Variants in ZNF280D observed in about 807,000 individuals in gnomAD.
ZNF280D encodes zinc finger protein 280D.
In ZNF280D, 39 loss-of-function variants were observed where a neutral mutation model predicts 94.7. That is an observed-to-expected ratio of 0.41 (90% confidence interval 0.32 to 0.54). The LOEUF (loss-of-function observed/expected upper bound fraction) is 0.54. Ranked by LOEUF, ZNF280D falls within the 20% of genes least tolerant of loss-of-function variation. ZNF280D has a pLI of 0.22. For missense variants in ZNF280D, 1,090 were observed against 1,149.3 expected, an observed-to-expected ratio of 0.95 and a Z score of 0.75; for synonymous variants, 398 against 377.6, an observed-to-expected ratio of 1.05 and a Z score of -0.63.
intron 1 of ZNF280D, 113 bp downstream of exon 1, chr15:56,733,345 G>C (rs1286206708): frequency 3.6e-5 from 22 of 604,218 alleles, no homozygotes; most frequent in Non-Finnish European, 4.2e-5. Context: ...CCGACGACCC[G>C]CGCCGGCCTC....
chr15:56,640,036 A>G (rs2052552207), intron 20 of ZNF280D, among the ~76,000 whole-genome samples: 1 of 152,172 alleles, frequency 6.6e-6, no homozygotes, highest in Admixed American at 6.6e-5. Context: ...AACGTTAGAA[A>G]AAAATACAGC....
At chr15:56,664,243 A>G (rs1356764562) in intron 16 of ZNF280D, among the ~76,000 whole-genome samples, 1 of 152,222 alleles carries the variant, frequency 6.6e-6, no homozygotes, top group Non-Finnish European at 1.5e-5. Context: ...CAAAAGGTAA[A>G]GAAATGAATC....
intron 20 of ZNF280D, among the ~76,000 whole-genome samples, chr15:56,636,181 T>C (rs763890041): frequency 2.0e-5 from 3 of 152,156 alleles, no homozygotes; most frequent in Admixed American, 2.0e-4. Flanking sequence ...GTATACTAAT[T>C]GCTAAACAGA....
At chr15:56,656,236 G>A (rs982372651) in intron 17 of ZNF280D, among the ~76,000 whole-genome samples, 8 of 152,094 alleles carry the variant, frequency 5.3e-5, no homozygotes, top group African/African-American at 1.9e-4. Flanking sequence ...AGACAGATAC[G>A]TAATAAATAG....
At chr15:56,683,561 G>C (rs537011357) in intron 9 of ZNF280D, among the ~76,000 whole-genome samples, 1 of 152,240 alleles carries the variant, frequency 6.6e-6, no homozygotes, top group South Asian at 2.1e-4. Flanking sequence ...ATATACTATA[G>C]TTTGACAAAT....
At chr15:56,727,327 C>T (rs1390023462) in intron 1 of ZNF280D, among the ~76,000 whole-genome samples, 3 of 152,234 alleles carry the variant, frequency 2.0e-5, no homozygotes, top group East Asian at 1.9e-4. Context: ...GGCATGGTGG[C>T]GCACGCCTGT....
Position 56,636,515 on chromosome 15 carries a change from G to A in ZNF280D, c.2260-1265C>T, listed in dbSNP as rs113787345. Among the ~76,000 whole-genome samples, 164 of 135,238 alleles carry A rather than the reference G, an allele frequency of 1.2e-3. 4 individuals are homozygous for A. The highest frequency in any genetic ancestry group is 4.4e-3 in the African/African-American group (159 of 36,076). 88.7% of individuals were successfully genotyped at this position (135,238 alleles called of 152,430 possible). A position where few individuals can be genotyped will look rare whatever the true frequency, so the allele number is the denominator to read the frequency against. On this transcript the variant is annotated intron_variant, in intron 20 of 21. Coordinates refer to ENST00000267807, the MANE Select transcript of ZNF280D (RefSeq NM_017661.4). The stretch of plus-strand genomic sequence containing the variant: ...TTTTTTTTTTTTTTGACAGAGTCTA[G>A]CTCTGTCACCTAGGATGGAGTGCAG...
Position 56,707,361 on chromosome 15 carries a change from C to T in ZNF280D, c.-85-55G>A, listed in dbSNP as rs2057471138. 26 of 1,424,434 alleles carry T rather than the reference C, an allele frequency of 1.8e-5. No individual in the cohort carries two copies. The South Asian group carries it at 2.6e-4, about 14-fold the overall frequency. 88.2% of individuals were successfully genotyped at this position (1,424,434 alleles called of 1,614,324 possible). On this transcript the variant is annotated intron_variant, in intron 1 of 21. Coordinates refer to ENST00000267807, the MANE Select transcript of ZNF280D (RefSeq NM_017661.4). ...TGGACTTCATTAAATTAGATGTATA[C>T]ATATTTAATCTTTTCTCCTATACAG...
intron 16 of ZNF280D, among the ~76,000 whole-genome samples, chr15:56,665,720 A>AAAAAAAG (rs2054246091): frequency 1.3e-5 from 2 of 151,524 alleles, no homozygotes; most frequent in Non-Finnish European, 1.5e-5. Flanking sequence ...AAAAAAAAAA[A>AAAAAAAG]AGGAGGATGA....
At position 56,668,897 on chromosome 15, in the gene ZNF280D, T is replaced by C. The variant is rs1374514167; in HGVS notation, c.1471A>G (p.Met491Val). The C allele has an allele frequency of 6.2e-7, 1 of 1,612,198 alleles. No homozygotes were observed. Among genetic ancestry groups the C allele is most frequent in the Non-Finnish European group, 8.5e-7 (1 of 1,179,032 alleles). Residue 491 changes from methionine (M) to valine (V), a missense_variant, in exon 14 of 22, where the codon ATG becomes GTG. This residue lies in a region of ZNF280D where 127 missense variants were observed against 208.6 expected (regional missense o/e 0.61). Transcript: ENST00000267807. ...RLQFLTCKEK[M>V]DHKTQHHRTF... ...CGATGGTGTTGAGTCTTATGATCCA[T>C]TTTCTCCTTGCATGTCAAAAACTGC...
At chr15:56,632,685 A>C (rs1428990147) in intron 21 of ZNF280D, among the ~76,000 whole-genome samples, 1 of 151,508 alleles carries the variant, frequency 6.6e-6, no homozygotes, top group Non-Finnish European at 1.5e-5. Context: ...TCATAGAGAC[A>C]AGGTTTTGCC....
intron 6 of ZNF280D, among the ~76,000 whole-genome samples, chr15:56,694,294 TACACACAC>T (rs57017142): frequency 0.04 from 5,560 of 138,462 alleles, 115 homozygotes; most frequent in Non-Finnish European, 0.048. Flanking sequence ...TAATGACACA[TACACACAC>T]ACACACACAC....
intron 14 of ZNF280D, among the ~76,000 whole-genome samples, chr15:56,667,784 A>T (rs561431587): frequency 6.6e-6 from 1 of 152,244 alleles, no homozygotes; most frequent in African/African-American, 2.4e-5. Flanking sequence ...TTGAACAAGG[A>T]ACTTATCCTC....
At chr15:56,667,700 A>G (rs1195762105) in intron 14 of ZNF280D, among the ~76,000 whole-genome samples, 1 of 152,168 alleles carries the variant, frequency 6.6e-6, no homozygotes, top group Admixed American at 6.6e-5. Flanking sequence ...AGGAAGTCCT[A>G]TGACATACAT....
intron 4 of ZNF280D, among the ~76,000 whole-genome samples, chr15:56,702,325 C>G (rs1279388959): frequency 6.6e-6 from 1 of 152,080 alleles, no homozygotes; most frequent in Non-Finnish European, 1.5e-5. Flanking sequence ...GTCTATGGAT[C>G]ACAAGTTTTT....
At chr15:56,641,961 T>C (rs1210498458) in intron 20 of ZNF280D, among the ~76,000 whole-genome samples, 1 of 151,622 alleles carries the variant, frequency 6.6e-6, no homozygotes, top group Non-Finnish European at 1.5e-5. Context: ...AAAATTAAAA[T>C]ATATAATAAG....
At chr15:56,723,282 T>C (rs2058469092) in intron 1 of ZNF280D, among the ~76,000 whole-genome samples, 1 of 152,130 alleles carries the variant, frequency 6.6e-6, no homozygotes, top group Non-Finnish European at 1.5e-5. Flanking sequence ...GGTGTATCAA[T>C]ACAATGTAGC....
At chr15:56,660,975 G>A (rs907927096) in intron 16 of ZNF280D, among the ~76,000 whole-genome samples, 2 of 151,460 alleles carry the variant, frequency 1.3e-5, no homozygotes, top group Non-Finnish European at 1.5e-5. Flanking sequence ...GTTGCTTGGG[G>A]GGAGTGTTTG....
chr15:56,639,717 T>C (rs1405273412), intron 20 of ZNF280D, among the ~76,000 whole-genome samples: 2 of 152,310 alleles, frequency 1.3e-5, no homozygotes, highest in South Asian at 4.1e-4. Context: ...TATTTTTAGA[T>C]ATGCAAAAAC....
Sources: allele counts gnomAD v4.1 joint callset (sites outside exome capture counted in the v4.1 genomes callset), GRCh38; gene constraint gnomAD v4.1.1; regional missense constraint gnomAD v4.1.1; transcripts MANE v1.5; gene names NCBI Gene and HGNC (gene_info 2026-07-23, HGNC 2026-07-21).